ANO1: variants seen among roughly 807,000 people sequenced by gnomAD.
The protein encoded by ANO1 is anoctamin 1.
A neutral mutation model predicts 124.0 loss-of-function variants in ANO1; 59 were observed. The observed-to-expected ratio is 0.48, with a 90% confidence interval of 0.39 to 0.59. The LOEUF (loss-of-function observed/expected upper bound fraction) is 0.59. Among genes scored for constraint, ANO1 ranks in the 20% least tolerant of loss-of-function variants. ANO1 has a pLI of 0.00. For synonymous variants in ANO1, 529 were observed against 532.0 expected, an observed-to-expected ratio of 0.99 and a Z score of 0.08; for missense variants, 1,059 against 1,328.0, an observed-to-expected ratio of 0.80 and a Z score of 3.15.
chr11:70,016,050 C>T (rs2015072), intron 1 of ANO1, among the ~76,000 whole-genome samples: 58,050 of 149,414 alleles, frequency 0.39, 11,630 homozygotes, highest in East Asian at 0.48. Flanking sequence ...TTTTTTGAAA[C>T]GGAGTCTCAC....
chr11:70,135,059 C>G (rs566325401), intron 11 of ANO1, among the ~76,000 whole-genome samples: 16 of 152,230 alleles, frequency 1.1e-4, no homozygotes, highest in Middle Eastern at 3.4e-3. Flanking sequence ...GGAGCTTGTG[C>G]AGTGATTAAG....
At chr11:70,057,605 C>T (rs1857470475) in intron 1 of ANO1, among the ~76,000 whole-genome samples, 2 of 152,176 alleles carry the variant, frequency 1.3e-5, no homozygotes, top group African/African-American at 2.4e-5. Flanking sequence ...GGGGTTTTCT[C>T]TTGCAGGCAG....
chr11:69,997,529 C>T (rs1465295071), intron 1 of ANO1, among the ~76,000 whole-genome samples: 1 of 152,114 alleles, frequency 6.6e-6, no homozygotes, highest in Non-Finnish European at 1.5e-5. Context: ...TCTCCCCCAG[C>T]CACTCTCCCC....
At chr11:70,100,559 C>T (rs1012148007) in intron 2 of ANO1, among the ~76,000 whole-genome samples, 2 of 152,166 alleles carry the variant, frequency 1.3e-5, no homozygotes, top group African/African-American at 4.8e-5. Flanking sequence ...GCCCTGGAGA[C>T]ACTTTGACTG....
chr11:70,151,213 C>G (rs2047589908), intron 12 of ANO1, among the ~76,000 whole-genome samples: 1 of 152,248 alleles, frequency 6.6e-6, no homozygotes, highest in African/African-American at 2.4e-5. Context: ...CAGTCAGTGC[C>G]CCATAAACGG....
chr11:70,185,287 TC>T (rs2049068351), intron 24 of ANO1, among the ~76,000 whole-genome samples: 1 of 152,202 alleles, frequency 6.6e-6, no homozygotes, highest in South Asian at 2.1e-4. Flanking sequence ...GACCACATGG[TC>T]CCCACCCTTG....
At chr11:69,972,781 T>G in the ANO1 span, among the ~76,000 whole-genome samples, 19 of 152,290 alleles carry the variant, frequency 1.2e-4, no homozygotes, top group African/African-American at 4.6e-4. Context: ...GTGGTCGAGA[T>G]GTTCTTCCCC....
rs73516378 is a variant in ANO1, at chr11:70,010,977, G to A, written c.58+24811G>A. ...TGTCTCGCTCACTACTGCACACCCA[G>A]TGCCTGAACAGATGTCTACACTGCT... On this transcript the variant is annotated intron_variant, in intron 1 of 27. Transcript: ENST00000531349. 7.7e-3 allele frequency among the ~76,000 whole-genome samples: 1,170 copies of A among 152,332 alleles called. 9 individuals carry two copies. Among genetic ancestry groups the A allele is most frequent in the African/African-American group, 0.027 (1,106 of 41,576 alleles).
intron 11 of ANO1, 72 bp from the exon 12 acceptor site, chr11:70,149,638 A>T: frequency 1.3e-6 from 2 of 1,492,328 alleles, no homozygotes; most frequent in Non-Finnish European, 9.1e-7. Context: ...CAACAAGAGC[A>T]AAACTCTGTC....
chr11:70,120,022 T>C (rs116778039), intron 8 of ANO1, among the ~76,000 whole-genome samples: 1,701 of 152,142 alleles, frequency 0.011, 30 homozygotes, highest in African/African-American at 0.039. Context: ...CACAGCCTGG[T>C]GCCAAGTTTT....
rs71463659 is a variant in ANO1, at chr11:70,101,585, CAAAA to C, written c.442-1462_442-1459del. Among the ~76,000 whole-genome samples the C allele has an allele frequency of 4.5e-3, 341 of 75,902 alleles. 7 individuals carry two copies. Among genetic ancestry groups the C allele is most frequent in the African/African-American group, 0.018 (332 of 18,094 alleles). 49.8% of individuals were successfully genotyped at this position (75,902 alleles called of 152,430 possible). ...AAAGAACAAAAAAATGATTAAAAACCAAAAAAAAAAAAAAAAAAAAAACTCATCC... is the reference window on the plus strand; with the variant it reads ...AAAGAACAAAAAAATGATTAAAAACCAAAAAAAAAAAAAAAAAACTCATCC... On this transcript the variant is annotated intron_variant, in intron 2 of 25. Coordinates refer to ENST00000355303, the MANE Select transcript of ANO1 (RefSeq NM_018043.7).
Position 70,167,321 on chromosome 11 carries a change from C to T in ANO1, c.2131C>T (p.Gln711Ter). Residue 711 changes from glutamine (Q) to a stop codon, truncating the protein, a stop_gained, in exon 21 of 26, where the codon CAG becomes TAG. Transcript: ENST00000355303. LOFTEE classifies it high-confidence loss of function. ...PDHEECVKRKQRYEVDYNLEP... is the reference protein window; with the variant it reads ...PDHEECVKRK The stretch of plus-strand genomic sequence containing the variant: ...CCACGAGGAGTGTGTGAAGAGGAAA[C>T]AGCGGTACGAGGTGGATTACAACCT... 6.2e-7 allele frequency: 1 copy of T among 1,613,954 alleles called. No homozygotes were observed. The highest frequency in any genetic ancestry group is 8.5e-7 in the Non-Finnish European group (1 of 1,179,878).
chr11:70,103,867 C>A, intron 3 of ANO1, 132 bp from the exon 4 acceptor site: 1 of 982,562 alleles, frequency 1.0e-6, no homozygotes, highest in Non-Finnish European at 1.5e-6. Context: ...CATTCTGGCC[C>A]ACCCAGGTGC....
intron 1 of ANO1, among the ~76,000 whole-genome samples, chr11:70,025,364 G>A (rs1440887566): frequency 6.6e-6 from 1 of 152,170 alleles, no homozygotes; most frequent in Non-Finnish European, 1.5e-5. Context: ...TGATGGTGGT[G>A]GTGGTGATTG....
At chr11:69,986,616 TAA>T (rs1856048062) in intron 1 of ANO1, among the ~76,000 whole-genome samples, 1 of 152,122 alleles carries the variant, frequency 6.6e-6, no homozygotes, top group African/African-American at 2.4e-5. Context: ...ATTTGTGATA[TAA>T]AGTCACTACT....
At chr11:70,147,612 C>T (rs1049356566) in intron 11 of ANO1, among the ~76,000 whole-genome samples, 1 of 152,214 alleles carries the variant, frequency 6.6e-6, no homozygotes, top group African/African-American at 2.4e-5. Flanking sequence ...AGTGGGAAGC[C>T]CTTTTGGGAA....
intron 1 of ANO1, among the ~76,000 whole-genome samples, chr11:70,000,325 G>GA (rs1196448029): frequency 2.0e-5 from 3 of 152,030 alleles, no homozygotes; most frequent in Non-Finnish European, 4.4e-5. Flanking sequence ...ATGGGCCGGG[G>GA]GGGGATGCAC....
intron 1 of ANO1, among the ~76,000 whole-genome samples, chr11:70,040,190 T>A (rs149946643): frequency 6.6e-6 from 1 of 152,138 alleles, no homozygotes; most frequent in Non-Finnish European, 1.5e-5. Flanking sequence ...ATAATGCAGC[T>A]CATTGGGAAA....
the ANO1 span, among the ~76,000 whole-genome samples, chr11:69,971,167 G>A: frequency 6.6e-6 from 1 of 152,164 alleles, no homozygotes. Context: ...GTGCTGGGGG[G>A]GCACCAACTA....
Sources: allele counts gnomAD v4.1 joint callset (sites outside exome capture counted in the v4.1 genomes callset), GRCh38; gene constraint gnomAD v4.1.1; transcripts MANE v1.5; gene names NCBI Gene and HGNC (gene_info 2026-07-23, HGNC 2026-07-21).